Variants in MOSPD1 observed in about 807,000 individuals in gnomAD.
The protein encoded by MOSPD1 is motile sperm domain containing 1, also known as motile sperm domain-containing protein 1.
In MOSPD1, 5 loss-of-function variants were observed where a neutral mutation model predicts 16.7. That is an observed-to-expected ratio of 0.30 (90% CI 0.16 to 0.63). The LOEUF is 0.63. MOSPD1 is among the 30% of genes least tolerant of loss of function. The pLI, the probability that MOSPD1 is intolerant of heterozygous loss-of-function variation, is 0.82. For missense variants in MOSPD1, 104 were observed against 153.6 expected (o/e 0.68, Z 1.71); for synonymous variants, 67 against 59.2 (o/e 1.13, Z -0.61).
intron 1 of MOSPD1, among the ~76,000 whole-genome samples, chrX:134,906,375 G>A (rs1276257808): frequency 3.8e-4 from 40 of 106,177 alleles, no homozygotes; most frequent in African/African-American, 1.4e-3. Flanking sequence ...TTGTAGAGAC[G>A]GGGTTTCACC....
chrX:134,904,764 A>T (rs1233965983), intron 1 of MOSPD1, among the ~76,000 whole-genome samples: 2 of 109,559 alleles, frequency 1.8e-5, no homozygotes, highest in Non-Finnish European at 3.8e-5. Flanking sequence ...AGGGAGGCTG[A>T]GGCAGGAGAA....
intron 3 of MOSPD1, among the ~76,000 whole-genome samples, chrX:134,897,522 C>T (rs1213562215): frequency 3.8e-5 from 3 of 78,368 alleles, no homozygotes; most frequent in African/African-American, 1.6e-4. Flanking sequence ...GCTGCCATAG[C>T]AAGAGAGCAA....
At chrX:134,909,050 G>A (rs768684277) in intron 1 of MOSPD1, among the ~76,000 whole-genome samples, 102 of 110,434 alleles carry the variant, frequency 9.2e-4, no homozygotes, top group Non-Finnish European at 1.4e-3. Flanking sequence ...GGCGGATCAC[G>A]AGATCAGGAG....
chrX:134,906,548 A>C (rs1245406583), intron 1 of MOSPD1, among the ~76,000 whole-genome samples: 1 of 110,421 alleles, frequency 9.1e-6, no homozygotes, highest in Non-Finnish European at 1.9e-5. Flanking sequence ...AAGAATTAGC[A>C]CCAGGTCAAC....
At chrX:134,904,102 AT>A in intron 1 of MOSPD1, among the ~76,000 whole-genome samples, 1 of 112,485 alleles carries the variant, frequency 8.9e-6, no homozygotes, top group East Asian at 2.8e-4. Context: ...AAAATGATAA[AT>A]TCATCTGTAT....
chrX:134,901,820 A>C (rs1028060982), intron 1 of MOSPD1, among the ~76,000 whole-genome samples: 2 of 111,793 alleles, frequency 1.8e-5, no homozygotes, highest in African/African-American at 6.5e-5. Context: ...TAATCATTCT[A>C]CTTTATTTCC....
chrX:134,908,360 G>A (rs2082953657), intron 1 of MOSPD1, among the ~76,000 whole-genome samples: 1 of 111,918 alleles, frequency 8.9e-6, no homozygotes, highest in Non-Finnish European at 1.9e-5. Flanking sequence ...CCTAATTAGA[G>A]GAGCAGTAAA....
intron 1 of MOSPD1, chrX:134,899,931 G>A (rs1377135880): frequency 9.0e-6 from 1 of 111,707 alleles, no homozygotes; most frequent in East Asian, 2.8e-4. Flanking sequence ...ACTCCAGCCT[G>A]GGCTACAGAG....
chrX:134,897,005 C>T lies in MOSPD1; in HGVS notation c.260G>A (p.Cys87Tyr). Residue 87 changes from cysteine to tyrosine, a missense_variant, in exon 4 of 6, where the codon TGT becomes TAT. Cys to Tyr is a radical substitution (Grantham distance 194). Around this residue, in one of 3 missense-constraint regions of MOSPD1, gnomAD observed 68 missense variants for 73.1 expected, o/e 0.93. Transcript: ENST00000370783. ...GAATTTGTCTATTACACCATAGTGA[C>T]AGGATCGAACATCTCGATGACGAAT... ...IVIRHRDVRSCHYGVIDKFRL... is the reference protein window; with the variant it reads ...IVIRHRDVRSYHYGVIDKFRL... 8.3e-7 allele frequency: 1 copy of T among 1,203,144 alleles called. No individual in the cohort carries two copies. Among genetic ancestry groups the T allele is most frequent in the Non-Finnish European group, 1.1e-6 (1 of 889,892 alleles).
At chrX:134,898,964 C>G (rs2082898889) in intron 3 of MOSPD1, 126 bp downstream of exon 3, 3 of 591,548 alleles carry the variant, frequency 5.1e-6, no homozygotes, top group Non-Finnish European at 7.8e-6. Flanking sequence ...AAACTTTCGG[C>G]AAAAATTCAA....
intron 1 of MOSPD1, among the ~76,000 whole-genome samples, chrX:134,909,545 C>G (rs1274904978): frequency 1.8e-5 from 2 of 111,614 alleles, no homozygotes; most frequent in Admixed American, 1.9e-4. Flanking sequence ...TGCCAATGAC[C>G]AACTAAATAC....
In MOSPD1 at chrX:134,901,409, G is replaced by A. The variant is rs191342150; in HGVS notation, c.-101-1875C>T. Among the ~76,000 whole-genome samples the A allele has an allele frequency of 1.0e-3, 112 of 110,452 alleles. 1 individual carries two copies. The highest frequency in any genetic ancestry group is 3.4e-3 in the African/African-American group (103 of 30,374). On this transcript the variant is annotated intron_variant, in intron 1 of 5. Coordinates refer to ENST00000370783, the MANE Select transcript of MOSPD1 (RefSeq NM_019556.3). ...CACACCTGTAATCCCAGCACTTTGCGAGGCCGAAGCGGGCGGATCACTTGA... is the reference window on the plus strand; with the variant it reads ...CACACCTGTAATCCCAGCACTTTGCAAGGCCGAAGCGGGCGGATCACTTGA...
At chrX:134,901,118 C>T (rs1168737312) in intron 1 of MOSPD1, among the ~76,000 whole-genome samples, 2 of 106,138 alleles carry the variant, frequency 1.9e-5, no homozygotes, top group Non-Finnish European at 4.0e-5. Context: ...GTCATGTATG[C>T]AAATATTTAT....
At chrX:134,898,180 A>G in intron 3 of MOSPD1, among the ~76,000 whole-genome samples, 1 of 111,873 alleles carries the variant, frequency 8.9e-6, no homozygotes, top group Admixed American at 9.5e-5. Flanking sequence ...CACCCAGCCA[A>G]ACACTGTAAT....
chrX:134,913,745 A>T (rs2082984600), intron 1 of MOSPD1, among the ~76,000 whole-genome samples: 1 of 112,035 alleles, frequency 8.9e-6, no homozygotes, highest in Non-Finnish European at 1.9e-5. Flanking sequence ...TATCACAGCT[A>T]TCCCTTACAG....
At chrX:134,900,542 A>T (rs2082906889) in intron 1 of MOSPD1, among the ~76,000 whole-genome samples, 1 of 111,836 alleles carries the variant, frequency 8.9e-6, no homozygotes, top group Non-Finnish European at 1.9e-5. Context: ...TCCCTCCTAC[A>T]TCAAGTACAC....
intron 3 of MOSPD1, among the ~76,000 whole-genome samples, chrX:134,898,323 C>A (rs945090118): frequency 1.8e-5 from 2 of 112,299 alleles, no homozygotes; most frequent in Admixed American, 9.5e-5. Context: ...TTACTGTGTA[C>A]TGAATGAAAA....
At chrX:134,907,740 A>T (rs1392110351) in intron 1 of MOSPD1, among the ~76,000 whole-genome samples, 2 of 112,329 alleles carry the variant, frequency 1.8e-5, no homozygotes, top group Non-Finnish European at 3.8e-5. Context: ...GGTAGTGCAC[A>T]CATGTAATCC....
At chrX:134,897,147 TCAAAAA>T in intron 3 of MOSPD1, 113 bp from the exon 4 acceptor site, 2 of 478,387 alleles carry the variant, frequency 4.2e-6, no homozygotes, top group South Asian at 8.9e-5. Context: ...AACCAAATAC[TCAAAAA>T]CAGAAATTTG....
Sources: gnomAD v4.1 joint callset for allele counts (sites outside exome capture counted in the v4.1 genomes callset) on GRCh38, gnomAD v4.1.1 for gene constraint, gnomAD v4.1.1 regional missense constraint, MANE v1.5 for transcripts, NCBI Gene and HGNC (gene_info 2026-07-23, HGNC 2026-07-21) for gene names.